The following ITGA5 variants were observed in gnomAD, a reference collection of about 807,000 sequenced individuals.
The protein encoded by ITGA5 is integrin alpha-5.
ITGA5 carries 55 observed loss-of-function variants against 146.3 expected under a neutral mutation model. The ratio of observed to expected loss-of-function variants is 0.38; its 90% CI spans 0.30 to 0.47. The LOEUF (loss-of-function observed/expected upper bound fraction) is 0.47, where lower values mean the gene tolerates loss of function less well. Ranked by LOEUF, ITGA5 falls within the 20% of genes least tolerant of loss-of-function variation. The pLI is 0.99. For missense variants in ITGA5, 1,131 were observed against 1,329.0 expected (o/e 0.85, Z 2.32); for synonymous variants, 500 against 531.8 (o/e 0.94, Z 0.82).
At chr12:54,413,177 C>G (rs1038218742) in intron 1 of ITGA5, 1 of 152,358 alleles carries the variant, frequency 6.6e-6, no homozygotes, top group Non-Finnish European at 1.5e-5. Flanking sequence ...CAAGAAGGCC[C>G]AAAGTGAAGG....
chr12:54,400,988 T>G lies in ITGA5; in HGVS notation c.2501A>C (p.Asn834Thr), dbSNP rs758324571. The G allele has an allele frequency of 1.2e-6, 2 of 1,613,556 alleles. No individual in the cohort carries two copies. The highest frequency in any genetic ancestry group is 1.7e-5 in the Admixed American group (1 of 59,942). Residue 834 changes from asparagine (N) to threonine (T), a missense_variant, in exon 25 of 30, where the codon AAC becomes ACC. By Grantham distance (65) the Asn-to-Thr change is moderately conservative (BLOSUM62 0). Coordinates refer to ENST00000293379, the MANE Select transcript of ITGA5 (RefSeq NM_002205.5). ...CTGGCTAATGGAGCTGGGGCCTTGG[T>G]TGATGAGCTGAGGAGGGAAGAGCAC... ...PAVHHVYELI[N>T]QGPSSISQGV... is the part of the protein sequence containing the mutation.
At position 54,398,457 on chromosome 12, in the gene ITGA5, G is replaced by T. The variant is rs953917936; in HGVS notation, c.2943+140C>A. On this transcript the variant is annotated intron_variant, in intron 28 of 29. Transcript: ENST00000293379. Reference sequence around the variant, plus strand: ...GATCTTGCTTACCACTCTGTCTCTGGCATCTGCACAGTGCTTGGCACATAG... The same window carrying T: ...GATCTTGCTTACCACTCTGTCTCTGTCATCTGCACAGTGCTTGGCACATAG... 6.7e-6 allele frequency: 4 copies of T among 600,596 alleles called. No homozygotes were observed. In the African/African-American group the frequency reaches 7.9e-5, roughly 12 times the overall value. The allele number at this position is 600,596 out of a possible 1,614,324, so 37.2% of individuals were successfully genotyped here. A position where few individuals can be genotyped will look rare whatever the true frequency, so the allele number is the denominator to read the frequency against.
At chr12:54,418,938 C>A in intron 1 of ITGA5, 43 bp downstream of exon 1, 2 of 1,600,652 alleles carry the variant, frequency 1.2e-6, no homozygotes, top group Non-Finnish European at 1.7e-6. Flanking sequence ...AGTCTCCAGG[C>A]GGCTCCCCCA....
At position 54,419,119 on chromosome 12, in the gene ITGA5, G is replaced by A; in HGVS notation, c.80C>T (p.Pro27Leu). The change falls in exon 1 of 30, where the codon CCG becomes CTG. Residue 27 changes from proline to leucine, a missense_variant. Coordinates refer to ENST00000293379, the MANE Select transcript of ITGA5 (RefSeq NM_002205.5). ...CGGCGGCAGCAGCAGCAACAGCAGC[G>A]GCAGCAGCGGGGGTCGGCGCCGGGG... ...WGPRRRPPLL[P>L]LLLLLLPPPP... 1 of 1,591,182 alleles carries A rather than the reference G, an allele frequency of 6.3e-7. No homozygotes were observed. The highest frequency in any genetic ancestry group is 8.5e-7 in the Non-Finnish European group (1 of 1,171,720).
At chr12:54,418,005 G>T (rs1465511376) in intron 1 of ITGA5, among the ~76,000 whole-genome samples, 1 of 152,102 alleles carries the variant, frequency 6.6e-6, no homozygotes, top group South Asian at 2.1e-4. Context: ...GTGCTGAGTT[G>T]GGAATAAGGA....
chr12:54,396,228 C>T lies in ITGA5; in HGVS notation c.*65G>A, dbSNP rs138322633. On this transcript the variant is annotated 3_prime_UTR_variant, in exon 30 of 30. Coordinates refer to ENST00000293379, the MANE Select transcript of ITGA5 (RefSeq NM_002205.5). The stretch of plus-strand genomic sequence containing the variant: ...CCTTCAAGAAGTACCCAGACCCCTC[C>T]TTTTCAGTAGAATGAGGGTGGGGGG... 8.5e-5 allele frequency: 113 copies of T among 1,323,334 alleles called. 2 individuals carry two copies. The African/African-American group carries it at 1.3e-3, about 15-fold the overall frequency. The allele number at this position is 1,323,334 out of a possible 1,614,324, so 82.0% of individuals were successfully genotyped here. A position where few individuals can be genotyped will look rare whatever the true frequency, so the allele number is the denominator to read the frequency against.
intron 25 of ITGA5, chr12:54,400,387 C>CT (rs1011413047): frequency 1.5e-5 from 3 of 199,150 alleles, no homozygotes; most frequent in African/African-American, 7.1e-5. Context: ...TTCTCCTTCT[C>CT]TTTTTCTTTT....
In ITGA5 at chr12:54,404,730, G is replaced by C; in HGVS notation, c.1390C>G (p.Arg464Gly). The change falls in exon 13 of 30, where the codon CGA becomes GGA. Residue 464 changes from arginine to glycine, a missense_variant. Around this residue, in one of 3 missense-constraint regions of ITGA5, gnomAD observed 889 missense variants for 1,021.5 expected, o/e 0.87. Coordinates refer to ENST00000293379, the MANE Select transcript of ITGA5 (RefSeq NM_002205.5). ...GGATATCCATTGCCATCCAGGTCTC[G>C]GCCTCCTCGAAGGGCAGAGCCAAAG... ...DFFGSALRGG[R>G]DLDGNGYPDL... The C allele has an allele frequency of 6.2e-7, 1 of 1,613,922 alleles. No individual in the cohort carries two copies.
At chr12:54,406,357 C>T (rs926202833) in intron 9 of ITGA5, among the ~76,000 whole-genome samples, 28 of 152,174 alleles carry the variant, frequency 1.8e-4, no homozygotes, top group Admixed American at 3.3e-4. Flanking sequence ...TCCTCATCCT[C>T]CAGTCCCCCG....
At chr12:54,402,897 G>A (rs2120500512) in intron 19 of ITGA5, 86 bp downstream of exon 19, 1 of 1,079,020 alleles carries the variant, frequency 9.3e-7, no homozygotes, top group South Asian at 1.3e-5. Flanking sequence ...AACTTCCCAA[G>A]GCGACACAGC....
At position 54,397,357 on chromosome 12, in the gene ITGA5, T is replaced by C; in HGVS notation, c.3066+8A>G. ...GGGTGGCCAAGTCACAAGCAGGATG[T>C]GGCTGACCTTGTAGAGGATGTAGAT... On this transcript the variant is annotated splice_region_variant and intron_variant, in intron 29 of 29. Coordinates refer to ENST00000293379, the MANE Select transcript of ITGA5 (RefSeq NM_002205.5). 1.2e-6 allele frequency: 2 copies of C among 1,613,800 alleles called. No homozygotes were observed. The highest frequency in any genetic ancestry group is 4.5e-5 in the East Asian group (2 of 44,860).
chr12:54,397,187 G>T (rs1955721658), intron 29 of ITGA5, 178 bp downstream of exon 29: 1 of 577,148 alleles, frequency 1.7e-6, no homozygotes, highest in Middle Eastern at 4.3e-4. Context: ...TAAGCTAGGG[G>T]CTATAGAATG....
intron 1 of ITGA5, among the ~76,000 whole-genome samples, chr12:54,415,720 A>G (rs1311289008): frequency 6.6e-6 from 1 of 152,240 alleles, no homozygotes; most frequent in Non-Finnish European, 1.5e-5. Flanking sequence ...GGAGAGCAGC[A>G]AGTGGACCAG....
intron 12 of ITGA5, 107 bp from the exon 13 acceptor site, chr12:54,405,001 T>A (rs1955844284): frequency 8.4e-7 from 1 of 1,187,110 alleles, no homozygotes; most frequent in African/African-American, 1.6e-5. Flanking sequence ...CATCTGTCAG[T>A]CCCTATATTC....
rs1442230516 is a variant in ITGA5, at chr12:54,419,202, G to T, written c.-4C>A. On this transcript the variant is annotated 5_prime_UTR_variant, in exon 1 of 30. Coordinates refer to ENST00000293379, the MANE Select transcript of ITGA5 (RefSeq NM_002205.5). The stretch of plus-strand genomic sequence containing the variant: ...ACTCTGGCGTCCGGCTCCCCATAGC[G>T]CCCGCTCTTCCCTGTCCTGGGGCCA... The T allele has an allele frequency of 1.9e-6, 3 of 1,554,076 alleles. No individual in the cohort carries two copies. Among genetic ancestry groups the T allele is most frequent in the African/African-American group, 1.4e-5 (1 of 73,032 alleles).
At position 54,400,935 on chromosome 12, in the gene ITGA5, C is replaced by T. The variant is rs753840440; in HGVS notation, c.2554G>A (p.Ala852Thr). 4 of 1,613,890 alleles carry T rather than the reference C, an allele frequency of 2.5e-6. No individual in the cohort carries two copies. The African/African-American group carries it at 5.3e-5, about 22-fold the overall frequency. The stretch of plus-strand genomic sequence containing the variant: ...TATAGGAGCTGCTGACCTTCCAGAG[C>T]CTGGGGACAGCTGAGTTCCAGCACA... ...QGVLELSCPQ[A>T]LEGQQLLYVT... Residue 852 changes from alanine (A) to threonine (T), a missense_variant, in exon 25 of 30, where the codon GCT (alanine) becomes ACT (threonine). This residue lies in a region of ITGA5 where 889 missense variants were observed against 1,021.5 expected (regional missense o/e 0.87). Transcript: ENST00000293379.
rs1466212812 is a variant in ITGA5 at position 54,408,145 on chromosome 12, C to A, written c.782G>T (p.Arg261Leu). ...INLVQGQLQT[R>L]QASSIYDDSY... ...GTCATCATAGATGGAACTGGCCTGGCGAGTCTGCAGCTGCCCCTGAACCAG... is the reference window on the plus strand; with the variant it reads ...GTCATCATAGATGGAACTGGCCTGGAGAGTCTGCAGCTGCCCCTGAACCAG... The change falls in exon 7 of 30, where the codon CGC (arginine) becomes CTC (leucine). Residue 261 changes from arginine to leucine, a missense_variant. By Grantham distance (102) the Arg-to-Leu change is moderately radical. Transcript: ENST00000293379. 6.2e-7 allele frequency: 1 copy of A among 1,614,112 alleles called. No individual in the cohort carries two copies. The highest frequency in any genetic ancestry group is 8.5e-7 in the Non-Finnish European group (1 of 1,180,034).
rs773243984 is a variant in ITGA5 at position 54,399,979 on chromosome 12, T to C, written c.2644-32A>G. On this transcript the variant is annotated intron_variant, in intron 25 of 29. Transcript: ENST00000293379. The stretch of plus-strand genomic sequence containing the variant: ...AAGAAAGTGTTGGGCCCCTTTCCCA[T>C]CTCATTACAGCTTCTAAGTCAGCTT... 9 of 1,512,774 alleles carry C rather than the reference T, an allele frequency of 5.9e-6. No individual in the cohort carries two copies. In the South Asian group the frequency reaches 9.0e-5, roughly 15 times the overall value. The allele number at this position is 1,512,774 out of a possible 1,614,324, so 93.7% of individuals were successfully genotyped here. A position where few individuals can be genotyped will look rare whatever the true frequency, so the allele number is the denominator to read the frequency against.
chr12:54,402,694 C>G lies in ITGA5; in HGVS notation c.1982+289G>C, dbSNP rs546871158. 2.2e-3 allele frequency among the ~76,000 whole-genome samples: 331 copies of G among 151,080 alleles called. 2 individuals are homozygous for G. Among genetic ancestry groups the G allele is most frequent in the African/African-American group, 6.0e-3 (248 of 41,168 alleles). ...CAGCCTGGGTGACAAGGGCATGACTCCGTCTCAAAAAAAAAAAAAGAGTAA... is the reference window on the plus strand; with the variant it reads ...CAGCCTGGGTGACAAGGGCATGACTGCGTCTCAAAAAAAAAAAAAGAGTAA... On this transcript the variant is annotated intron_variant, in intron 19 of 29. Coordinates refer to ENST00000293379, the MANE Select transcript of ITGA5 (RefSeq NM_002205.5).
Sources: gnomAD v4.1 joint callset for allele counts (sites outside exome capture counted in the v4.1 genomes callset) on GRCh38, gnomAD v4.1.1 for gene constraint, gnomAD v4.1.1 regional missense constraint, MANE v1.5 for transcripts, NCBI Gene and HGNC (gene_info 2026-07-23, HGNC 2026-07-21) for gene names.